The following ATF1 variants were observed in gnomAD, a reference collection of about 807,000 sequenced individuals.
ATF1 encodes the protein cyclic AMP-dependent transcription factor ATF-1.
Under a neutral mutation model 34.7 loss-of-function variants are expected in ATF1, and 16 were observed. That is an observed-to-expected ratio of 0.46 (90% CI 0.31 to 0.70). ATF1 has a LOEUF of 0.70. ATF1 is among the 30% of genes least tolerant of loss of function. ATF1 has a pLI of 0.05. For synonymous variants in ATF1, 105 were observed against 113.1 expected, an observed-to-expected ratio of 0.93 and a Z score of 0.46; for missense variants, 255 against 321.6, an observed-to-expected ratio of 0.79 and a Z score of 1.58.
chr12:50,790,197 ATTTTT>A (rs71086483), intron 2 of ATF1, among the ~76,000 whole-genome samples: 1 of 119,414 alleles, frequency 8.4e-6, no homozygotes, highest in African/African-American at 3.2e-5. Flanking sequence ...TGTGGGTTCT[ATTTTT>A]TTTTTTTTTT....
At chr12:50,771,715 G>A (rs1441739986) in intron 1 of ATF1, among the ~76,000 whole-genome samples, 3 of 152,168 alleles carry the variant, frequency 2.0e-5, no homozygotes, top group Admixed American at 6.5e-5. Flanking sequence ...TAAGTCACGG[G>A]ATGAGATAGG....
At chr12:50,795,233 G>T (rs945677618) in intron 2 of ATF1, among the ~76,000 whole-genome samples, 2 of 152,132 alleles carry the variant, frequency 1.3e-5, no homozygotes, top group African/African-American at 4.8e-5. Context: ...TTTCTCCTCA[G>T]TATGCTGTCT....
intron 2 of ATF1, among the ~76,000 whole-genome samples, chr12:50,782,508 G>C (rs1304026301): frequency 6.7e-6 from 1 of 149,818 alleles, no homozygotes; most frequent in Admixed American, 6.7e-5. Flanking sequence ...ACCCGCCTCA[G>C]CCTTCCAAAG....
intron 4 of ATF1, among the ~76,000 whole-genome samples, chr12:50,810,640 G>A (rs1261910526): frequency 6.6e-6 from 1 of 152,160 alleles, no homozygotes; most frequent in African/African-American, 2.4e-5. Flanking sequence ...CGCCAATCAA[G>A]ATTGAGTTCT....
rs1186372426 is a variant in ATF1 at position 50,820,375 on chromosome 12, C to CTT, written c.*597_*598dup. On this transcript the variant is annotated 3_prime_UTR_variant, in exon 7 of 7. Transcript: ENST00000262053. The stretch of plus-strand genomic sequence containing the variant: ...AGACTAGGTTAATTATTTTTGAGGT[C>CTT]TTATCCTAAAAGGCATCTAAGGTAC... 5 of 187,720 alleles carry CTT rather than the reference C, an allele frequency of 2.7e-5. No homozygotes were observed. Among genetic ancestry groups the CTT allele is most frequent in the African/African-American group, 9.4e-5 (4 of 42,768 alleles). The allele number at this position is 187,720 out of a possible 1,614,324, so 11.6% of individuals were successfully genotyped here.
intron 3 of ATF1, among the ~76,000 whole-genome samples, chr12:50,806,634 CCA>C (rs1370198877): frequency 3.3e-5 from 5 of 152,138 alleles, no homozygotes; most frequent in African/African-American, 1.2e-4. Context: ...GTGCAGCATT[CCA>C]CAGTCTCATG....
At chr12:50,801,415 A>AG (rs1309966959) in intron 3 of ATF1, among the ~76,000 whole-genome samples, 1 of 152,270 alleles carries the variant, frequency 6.6e-6, no homozygotes, top group Non-Finnish European at 1.5e-5. Context: ...ATGCAGGTGC[A>AG]GGAACACAGA....
chr12:50,788,076 TC>T, intron 2 of ATF1: 1 of 386,400 alleles, frequency 2.6e-6, no homozygotes, highest in Non-Finnish European at 5.1e-6. Flanking sequence ...AGGAGGAAAA[TC>T]AAGAGTAACT....
At chr12:50,801,374 A>G (rs1239387409) in intron 3 of ATF1, among the ~76,000 whole-genome samples, 1 of 152,242 alleles carries the variant, frequency 6.6e-6, no homozygotes, top group Non-Finnish European at 1.5e-5. Context: ...TAAAAATTAA[A>G]TTTTGAAAAG....
At position 50,785,382 on chromosome 12, in the gene ATF1, G is replaced by A. The variant is rs969526944; in HGVS notation, c.93+5144G>A. On this transcript the variant is annotated intron_variant, in intron 2 of 6. Coordinates refer to ENST00000262053, the MANE Select transcript of ATF1 (RefSeq NM_005171.5). ...GCCATTTATTGAGATGGACAATGCT[G>A]GATGATGTTTTCCATTTCTTTTTGG... is the stretch of plus-strand genomic sequence containing the variant. Among the ~76,000 whole-genome samples, 7 of 150,580 alleles carry A rather than the reference G, an allele frequency of 4.6e-5. No individual in the cohort carries two copies. The South Asian group carries it at 1.5e-3, about 31-fold the overall frequency.
At chr12:50,800,903 C>T (rs974786959) in intron 3 of ATF1, among the ~76,000 whole-genome samples, 2 of 152,020 alleles carry the variant, frequency 1.3e-5, no homozygotes, top group African/African-American at 4.8e-5. Flanking sequence ...AGTTTGAGAC[C>T]AGCCTGACCA....
At chr12:50,779,364 A>G (rs1204556739) in intron 1 of ATF1, among the ~76,000 whole-genome samples, 1 of 152,162 alleles carries the variant, frequency 6.6e-6, no homozygotes, top group African/African-American at 2.4e-5. Flanking sequence ...TTACATTCCC[A>G]CCAGCACAGT....
intron 3 of ATF1, among the ~76,000 whole-genome samples, chr12:50,805,587 T>C (rs1941600395): frequency 6.6e-6 from 1 of 151,710 alleles, no homozygotes; most frequent in Non-Finnish European, 1.5e-5. Flanking sequence ...AAAAAACCTT[T>C]TGTGATTCTT....
intron 1 of ATF1, among the ~76,000 whole-genome samples, chr12:50,772,641 T>C (rs1592165977): frequency 6.6e-6 from 1 of 152,102 alleles, no homozygotes; most frequent in East Asian, 1.9e-4. Context: ...GTCCCATTTC[T>C]AAAGCTGGGG....
intron 1 of ATF1, among the ~76,000 whole-genome samples, chr12:50,773,600 T>TC (rs1207501890): frequency 6.6e-6 from 1 of 151,716 alleles, no homozygotes; most frequent in African/African-American, 2.4e-5. Context: ...TATTTTTTTT[T>TC]TTCTTGAGAC....
At chr12:50,791,283 C>T (rs554260793) in intron 2 of ATF1, among the ~76,000 whole-genome samples, 64 of 152,212 alleles carry the variant, frequency 4.2e-4, no homozygotes, top group African/African-American at 1.4e-3. Context: ...AGGCTGGGTG[C>T]GGTGGCTCAC....
At chr12:50,788,210 TCTCA>T (rs755317720) in intron 2 of ATF1, 2 of 451,114 alleles carry the variant, frequency 4.4e-6, no homozygotes, top group South Asian at 1.6e-5. Context: ...TGACATAGGG[TCTCA>T]CTCTGTCACC....
At chr12:50,800,843 T>C (rs911880452) in intron 3 of ATF1, among the ~76,000 whole-genome samples, 2 of 152,168 alleles carry the variant, frequency 1.3e-5, no homozygotes, top group African/African-American at 4.8e-5. Context: ...CTCATGCCTG[T>C]AATCCCAGCA....
At chr12:50,817,650 T>G (rs974679860) in intron 6 of ATF1, among the ~76,000 whole-genome samples, 2 of 152,124 alleles carry the variant, frequency 1.3e-5, no homozygotes, top group African/African-American at 4.8e-5. Context: ...TACTTGTATG[T>G]GACAAAAGAT....
Sources: allele counts gnomAD v4.1 joint callset (sites outside exome capture counted in the v4.1 genomes callset), GRCh38; gene constraint gnomAD v4.1.1; transcripts MANE v1.5; gene names NCBI Gene and HGNC (gene_info 2026-07-23, HGNC 2026-07-21).